The following BARX2 variants were observed in gnomAD, a reference collection of about 807,000 sequenced individuals.
BARX2 encodes the protein homeobox protein BarH-like 2.
A neutral mutation model predicts 25.5 loss-of-function variants in BARX2; 11 were observed. The ratio of observed to expected loss-of-function variants is 0.43; its 90% CI spans 0.27 to 0.71. The LOEUF is 0.71. Ranked by LOEUF, BARX2 falls within the 30% of genes least tolerant of loss-of-function variation. BARX2 has a pLI of 0.19. For missense variants in BARX2, 360 were observed against 359.9 expected (o/e 1.00, Z 0.00); for synonymous variants, 137 against 149.5 (o/e 0.92, Z 0.61).
rs1421568826 is a variant in BARX2 at position 129,436,768 on chromosome 11, G to A, written c.205G>A (p.Ala69Thr). 1 of 1,591,004 alleles carries A rather than the reference G, an allele frequency of 6.3e-7. No homozygotes were observed. Residue 69 changes from alanine to threonine, a missense_variant, in exon 2 of 4, where the codon GCA becomes ACA. By Grantham distance (58) the Ala-to-Thr change is moderately conservative. Around this residue, in one of 3 missense-constraint regions of BARX2, gnomAD observed 240 missense variants for 228.7 expected, o/e 1.05. Transcript: ENST00000281437. This position sits in a 1 kb window ranked among gnomAD's most constrained non-coding sequence, Gnocchi z 4.5. ...TTTTCCAGGCTCCCCTTCCCTGCGG[G>A]CATATCCGCTCCTCTCGGTGATCAC... The part of the protein sequence containing the change: ...HSCTGSPSLR[A>T]YPLLSVITRQ...
rs1440000809 is a variant in BARX2, at chr11:129,451,282, G to C, written c.720G>C (p.Gln240His). The C allele has an allele frequency of 6.2e-7, 1 of 1,614,090 alleles. No individual in the cohort carries two copies. The highest frequency in any genetic ancestry group is 8.5e-7 in the Non-Finnish European group (1 of 1,180,056). The stretch of plus-strand genomic sequence containing the variant: ...AGCAGCTGGAGCCCTCTCAGGGGCA[G>C]GAGGAGCTCTGTGAAGCACAGGAAC... Reference protein sequence around the residue: ...GQEQLEPSQGQEELCEAQEPK... With the variant: ...GQEQLEPSQGHEELCEAQEPK... Residue 240 changes from glutamine (Q) to histidine (H), a missense_variant, in exon 4 of 4, where the codon CAG becomes CAC. Physicochemically the swap from Gln to His is conservative, Grantham distance 24 (BLOSUM62 0). Transcript: ENST00000281437.
chr11:129,422,320 T>TA, intron 1 of BARX2, among the ~76,000 whole-genome samples: 1 of 152,294 alleles, frequency 6.6e-6, no homozygotes, highest in East Asian at 1.9e-4. Context: ...TTTTTAGAGA[T>TA]AGAGTCTCAC....
chr11:129,442,310 G>C (rs192528877), intron 2 of BARX2, among the ~76,000 whole-genome samples: 2 of 152,236 alleles, frequency 1.3e-5, no homozygotes, highest in East Asian at 1.9e-4. Flanking sequence ...AGTGATCAGA[G>C]AACAGCAGGA....
rs769372208 is a variant in BARX2 at position 129,376,204 on chromosome 11, C to G, written c.169C>G (p.Pro57Ala). Residue 57 changes from proline to alanine, a missense_variant, in exon 1 of 4, where the codon CCC becomes GCC. Transcript: ENST00000281437. The surrounding 1 kb of genome is among the most constrained non-coding windows in gnomAD (Gnocchi z 4.2). ...VCPSLVVRPK[P>A]LHSCTGSPSL... ...CCCGTCGCTGGTCGTGCGACCCAAG[C>G]CCCTGCATTCCTGTACGGGTAAGAC... The G allele has an allele frequency of 6.2e-7, 1 of 1,607,470 alleles. No individual in the cohort carries two copies. The highest frequency in any genetic ancestry group is 1.3e-5 in the African/African-American group (1 of 74,296).
At chr11:129,446,452 G>A (rs563067767) in intron 3 of BARX2, among the ~76,000 whole-genome samples, 7 of 152,262 alleles carry the variant, frequency 4.6e-5, no homozygotes, top group South Asian at 2.1e-4. Flanking sequence ...GGCCTAACAC[G>A]TACCTTGTAG....
chr11:129,387,571 G>A (rs569580778), intron 1 of BARX2, among the ~76,000 whole-genome samples: 55 of 152,246 alleles, frequency 3.6e-4, no homozygotes, highest in East Asian at 1.5e-3. Flanking sequence ...GAGATATTTC[G>A]GAAAGGTGTT....
At chr11:129,441,663 T>G (rs565564097) in intron 2 of BARX2, among the ~76,000 whole-genome samples, 2 of 152,276 alleles carry the variant, frequency 1.3e-5, no homozygotes, top group South Asian at 4.1e-4. Flanking sequence ...TTGGCCAGGC[T>G]GGTCTCCAAC....
intron 3 of BARX2, among the ~76,000 whole-genome samples, chr11:129,445,182 G>A (rs1366591103): frequency 4.6e-5 from 7 of 152,166 alleles, no homozygotes; most frequent in East Asian, 1.9e-4. Context: ...GCACCCGGCC[G>A]TGTTCCCATG....
chr11:129,396,124 A>G (rs1493532), intron 1 of BARX2, among the ~76,000 whole-genome samples: 139,444 of 152,148 alleles, frequency 0.92, 64,021 homozygotes, highest in East Asian at 1. Flanking sequence ...TGTCTCTCCC[A>G]TGGGGCTCTG....
At chr11:129,379,405 A>G (rs2135381844) in intron 1 of BARX2, among the ~76,000 whole-genome samples, 1 of 152,360 alleles carries the variant, frequency 6.6e-6, no homozygotes, top group Middle Eastern at 3.4e-3. Context: ...AATGCCATTT[A>G]GAAATCAGCG....
At chr11:129,414,076 AAGAG>A (rs1262195280) in intron 1 of BARX2, among the ~76,000 whole-genome samples, 3 of 152,010 alleles carry the variant, frequency 2.0e-5, no homozygotes, top group Non-Finnish European at 4.4e-5. Context: ...AAAAAAAAAA[AAGAG>A]AGAGCGGACA....
intron 2 of BARX2, chr11:129,437,578 C>T: frequency 3.3e-6 from 3 of 903,836 alleles, no homozygotes; most frequent in Non-Finnish European, 4.0e-6. Flanking sequence ...AAGTCAGAAC[C>T]ATTTGACTGA....
rs776368491 is a variant in BARX2 at position 129,436,882 on chromosome 11, T to G, written c.319T>G (p.Ser107Ala). The G allele has an allele frequency of 6.2e-7, 1 of 1,614,002 alleles. No homozygotes were observed. The highest frequency in any genetic ancestry group is 1.7e-5 in the Admixed American group (1 of 60,018). Residue 107 changes from serine (S) to alanine (A), a missense_variant, in exon 2 of 4, where the codon TCT becomes GCT. By Grantham distance (99) the Ser-to-Ala change is moderately conservative. Transcript: ENST00000281437. This position sits in a 1 kb window ranked among gnomAD's most constrained non-coding sequence, Gnocchi z 4.5. ...LSCHQVTEAVSAEAPGGEALA... is the reference protein window; with the variant it reads ...LSCHQVTEAVAAEAPGGEALA... The stretch of plus-strand genomic sequence containing the variant: ...CTGCCACCAGGTCACCGAGGCGGTC[T>G]CTGCTGAGGCCCCAGGGGGCGAGGC...
chr11:129,427,752 G>T (rs1862082419), intron 1 of BARX2, among the ~76,000 whole-genome samples: 2 of 152,166 alleles, frequency 1.3e-5, no homozygotes. Context: ...GTAGCTGCGG[G>T]GACCTGGCTT....
chr11:129,430,016 C>T (rs1442248468), intron 1 of BARX2, among the ~76,000 whole-genome samples: 2 of 152,050 alleles, frequency 1.3e-5, no homozygotes, highest in African/African-American at 2.4e-5. Flanking sequence ...CCATTCCCTG[C>T]CCCCCATACA....
At chr11:129,446,546 C>T (rs1428015240) in intron 3 of BARX2, among the ~76,000 whole-genome samples, 1 of 152,042 alleles carries the variant, frequency 6.6e-6, no homozygotes, top group South Asian at 2.1e-4. Flanking sequence ...ATGTTATTGC[C>T]GTTATTATTA....
At chr11:129,389,672 G>A (rs1019458260) in intron 1 of BARX2, among the ~76,000 whole-genome samples, 4 of 149,258 alleles carry the variant, frequency 2.7e-5, no homozygotes, top group East Asian at 3.9e-4. Context: ...TTCTCAACAC[G>A]TTTGATTTCT....
intron 1 of BARX2, among the ~76,000 whole-genome samples, chr11:129,414,065 C>CAAAAAAAAAAAAAAAAA (rs879620964): frequency 1.1e-4 from 14 of 133,162 alleles, no homozygotes; most frequent in African/African-American, 1.7e-4. Context: ...GACTCCATCT[C>CAAAAAAAAAAAAAAAAA]AAAAAAAAAA....
chr11:129,443,415 G>A (rs535040949), intron 3 of BARX2, among the ~76,000 whole-genome samples: 1 of 152,112 alleles, frequency 6.6e-6, no homozygotes, highest in Non-Finnish European at 1.5e-5. Flanking sequence ...TGACGTAGAG[G>A]ATGCATCTGT....
Sources: allele counts gnomAD v4.1 joint callset (sites outside exome capture counted in the v4.1 genomes callset), GRCh38; gene constraint gnomAD v4.1.1; regional missense constraint gnomAD v4.1.1; non-coding constraint Gnocchi (gnomAD v3.1); transcripts MANE v1.5; gene names NCBI Gene and HGNC (gene_info 2026-07-23, HGNC 2026-07-21).